SOX6: variants seen among roughly 807,000 people sequenced by gnomAD.
The protein encoded by SOX6 is SRY-box transcription factor 6, also known as transcription factor SOX-6.
In SOX6, 11 loss-of-function variants were observed where a neutral mutation model predicts 97.8. The observed-to-expected ratio is 0.11, with a 90% confidence interval of 0.07 to 0.19. SOX6 has a LOEUF of 0.19. Ranked by LOEUF, SOX6 falls within the 10% of genes least tolerant of loss-of-function variation. SOX6 has a pLI of 1.00. For missense variants in SOX6, 810 were observed against 1,039.5 expected (o/e 0.78, Z 3.04); for synonymous variants, 360 against 371.4 (o/e 0.97, Z 0.35).
intron 4 of SOX6, among the ~76,000 whole-genome samples, chr11:16,561,160 G>A (rs573574077): frequency 6.6e-6 from 1 of 152,152 alleles, no homozygotes; most frequent in African/African-American, 2.4e-5. Flanking sequence ...AGAAATAAAG[G>A]GGAGGAATAA....
intron 13 of SOX6, among the ~76,000 whole-genome samples, chr11:16,004,602 C>T (rs558674218): frequency 1.3e-5 from 2 of 151,826 alleles, no homozygotes; most frequent in East Asian, 1.9e-4. Context: ...TTCTTCACCC[C>T]GAGAACTGGT....
chr11:16,472,867 CA>C (rs1468603246), intron 1 of SOX6, among the ~76,000 whole-genome samples: 3 of 151,886 alleles, frequency 2.0e-5, no homozygotes, highest in Non-Finnish European at 4.4e-5. Flanking sequence ...AGTACACTAA[CA>C]AAGAAAAAGT....
At chr11:16,243,616 G>C (rs747346413) in intron 3 of SOX6, among the ~76,000 whole-genome samples, 1 of 151,512 alleles carries the variant, frequency 6.6e-6, no homozygotes, top group Admixed American at 6.6e-5. Context: ...CCACCCTCCC[G>C]AAAGAAGATA....
chr11:16,057,891 G>T (rs1449475334), intron 9 of SOX6, among the ~76,000 whole-genome samples: 2 of 152,070 alleles, frequency 1.3e-5, no homozygotes, highest in Non-Finnish European at 2.9e-5. Context: ...TCCTTTGTAT[G>T]TAATCTATTT....
intron 1 of SOX6, among the ~76,000 whole-genome samples, chr11:16,380,627 G>T (rs528768502): frequency 6.6e-6 from 1 of 151,828 alleles, no homozygotes; most frequent in Non-Finnish European, 1.5e-5. Context: ...TCTAAAAAAA[G>T]CAAATCTCAT....
intron 6 of SOX6, among the ~76,000 whole-genome samples, chr11:16,131,068 A>AG (rs1056230665): frequency 5.8e-4 from 88 of 152,074 alleles, no homozygotes; most frequent in Middle Eastern, 3.4e-3. Context: ...ATTTAAAAAC[A>AG]GAACAAAAGC....
intron 4 of SOX6, among the ~76,000 whole-genome samples, chr11:16,554,647 C>A (rs1157371655): frequency 6.6e-6 from 1 of 152,100 alleles, no homozygotes; most frequent in African/African-American, 2.4e-5. Context: ...AACTATACCA[C>A]AAATGTGAAG....
At chr11:16,717,584 T>C (rs1460891037) in intron 2 of SOX6, among the ~76,000 whole-genome samples, 1 of 152,144 alleles carries the variant, frequency 6.6e-6, no homozygotes, top group Non-Finnish European at 1.5e-5. Context: ...GTCCTTTGTA[T>C]ATCTTTTTGA....
At chr11:16,169,816 C>T (rs1350473863) in intron 6 of SOX6, among the ~76,000 whole-genome samples, 2 of 151,920 alleles carry the variant, frequency 1.3e-5, no homozygotes, top group African/African-American at 4.8e-5. Flanking sequence ...ATGATATACA[C>T]CACCATGAGG....
chr11:16,324,064 C>G (rs297354), intron 2 of SOX6, among the ~76,000 whole-genome samples: 92,722 of 151,588 alleles, frequency 0.61, 28,831 homozygotes, highest in East Asian at 0.72. Context: ...CACACTTGTG[C>G]TCCCAGCTGC....
At chr11:16,169,609 G>C (rs1260204898) in intron 6 of SOX6, among the ~76,000 whole-genome samples, 1 of 151,908 alleles carries the variant, frequency 6.6e-6, no homozygotes, top group East Asian at 1.9e-4. Context: ...CAAACTAAGA[G>C]AATCATAGCC....
chr11:16,220,576 C>T (rs552376899), intron 4 of SOX6, among the ~76,000 whole-genome samples: 1 of 151,972 alleles, frequency 6.6e-6, no homozygotes, highest in Non-Finnish European at 1.5e-5. Flanking sequence ...CATGTTTAAT[C>T]GTTTCCCATG....
chr11:16,537,507 T>C (rs1861327702), intron 4 of SOX6, among the ~76,000 whole-genome samples: 1 of 152,092 alleles, frequency 6.6e-6, no homozygotes, highest in Non-Finnish European at 1.5e-5. Flanking sequence ...CTTCAGAAGG[T>C]CGGTAACAAC....
chr11:15,974,824 A>G (rs1362843455), intron 15 of SOX6, among the ~76,000 whole-genome samples: 3 of 152,152 alleles, frequency 2.0e-5, no homozygotes, highest in Middle Eastern at 3.2e-3. Context: ...CTAACATAAC[A>G]TATAAAATAT....
intron 1 of SOX6, among the ~76,000 whole-genome samples, chr11:16,420,571 A>G (rs934939530): frequency 1.3e-5 from 2 of 152,148 alleles, no homozygotes; most frequent in African/African-American, 4.8e-5. Context: ...GGGAAAGACT[A>G]CTAGAGAGAG....
intron 3 of SOX6, among the ~76,000 whole-genome samples, chr11:16,678,893 G>C (rs552984226): frequency 6.6e-6 from 1 of 152,180 alleles, no homozygotes; most frequent in Non-Finnish European, 1.5e-5. Flanking sequence ...GCAGATTGGT[G>C]GGGGGAGGGG....
intron 4 of SOX6, among the ~76,000 whole-genome samples, chr11:16,501,782 G>A (rs1396856077): frequency 3.9e-5 from 6 of 152,194 alleles, no homozygotes; most frequent in Admixed American, 2.0e-4. Context: ...ACACCAGTTA[G>A]AATGGCAATC....
chr11:16,484,300 TG>T, intron 4 of SOX6: 3 of 1,094,534 alleles, frequency 2.7e-6, no homozygotes, highest in South Asian at 1.2e-5. Context: ...ACTCATCCAA[TG>T]GGGAAAATTC....
At chr11:16,502,794 C>G (rs1311768002) in intron 4 of SOX6, among the ~76,000 whole-genome samples, 1 of 152,008 alleles carries the variant, frequency 6.6e-6, no homozygotes, top group Non-Finnish European at 1.5e-5. Context: ...GATAGAAAAC[C>G]TATTTAACCA....
Sources: gnomAD v4.1 joint callset for allele counts (sites outside exome capture counted in the v4.1 genomes callset) on GRCh38, gnomAD v4.1.1 for gene constraint, MANE v1.5 for transcripts, NCBI Gene and HGNC (gene_info 2026-07-23, HGNC 2026-07-21) for gene names.